AFF1: variants seen among roughly 807,000 people sequenced by gnomAD.
AFF1 encodes ALF transcription elongation factor 1.
In AFF1, 48 loss-of-function variants were observed where a neutral mutation model predicts 121.7. The observed-to-expected ratio is 0.39, with a 90% CI of 0.31 to 0.50. The LOEUF (loss-of-function observed/expected upper bound fraction) is 0.50, where lower values mean the gene tolerates loss of function less well. Ranked by LOEUF, AFF1 falls within the 20% of genes least tolerant of loss-of-function variation. The pLI is 0.76. For synonymous variants in AFF1, 613 were observed against 563.0 expected, an observed-to-expected ratio of 1.09 and a Z score of -1.26; for missense variants, 1,523 against 1,511.7, an observed-to-expected ratio of 1.01 and a Z score of -0.12.
At chr4:87,024,023 T>G (rs187769985) in intron 2 of AFF1, among the ~76,000 whole-genome samples, 5 of 152,312 alleles carry the variant, frequency 3.3e-5, no homozygotes, top group Admixed American at 6.5e-5. Flanking sequence ...TATTAAGCAA[T>G]TATTTATTGA....
chr4:87,040,988 G>A (rs1389878006), intron 2 of AFF1, among the ~76,000 whole-genome samples: 11 of 143,636 alleles, frequency 7.7e-5, no homozygotes, highest in Non-Finnish European at 1.5e-5. Flanking sequence ...TGATTCTCCT[G>A]CCTCAGCCTC....
chr4:87,000,230 T>A (rs1434317618), intron 2 of AFF1, among the ~76,000 whole-genome samples: 1 of 152,234 alleles, frequency 6.6e-6, no homozygotes, highest in African/African-American at 2.4e-5. Context: ...TTCCTGTGTC[T>A]GCTTCATTCT....
intron 5 of AFF1, among the ~76,000 whole-genome samples, chr4:87,086,652 GT>G (rs1390886850): frequency 6.6e-6 from 1 of 152,100 alleles, no homozygotes; most frequent in Admixed American, 6.6e-5. Flanking sequence ...CTGGGCTTTG[GT>G]TTCCTCATTG....
chr4:87,114,746 C>T lies in AFF1; in HGVS notation c.1913C>T (p.Pro638Leu). The change falls in exon 12 of 21, where the codon CCC (proline) becomes CTC (leucine). Residue 638 changes from proline to leucine, a missense_variant. By Grantham distance (98) the Pro-to-Leu change is moderately conservative. Transcript: ENST00000395146. ...LQGEREPGLL[P>L]YGSRDQTSKD... ...GGGGAAAGGGAGCCAGGGCTTCTTCCCTATGGCTCCCGAGACCAGACTTCC... is the reference window on the plus strand; with the variant it reads ...GGGGAAAGGGAGCCAGGGCTTCTTCTCTATGGCTCCCGAGACCAGACTTCC... 1 of 1,613,862 alleles carries T rather than the reference C, an allele frequency of 6.2e-7. No individual in the cohort carries two copies. The highest frequency in any genetic ancestry group is 8.5e-7 in the Non-Finnish European group (1 of 1,179,916).
intron 5 of AFF1, 66 bp from the exon 6 acceptor site, chr4:87,089,918 T>C (rs1031558716): frequency 8.2e-7 from 1 of 1,214,118 alleles, no homozygotes; most frequent in Non-Finnish European, 1.2e-6. Context: ...AAGTTCAAAA[T>C]GTTAAGTAGC....
intron 2 of AFF1, among the ~76,000 whole-genome samples, chr4:87,011,058 G>A (rs1166035933): frequency 1.5e-5 from 2 of 134,100 alleles, no homozygotes; most frequent in Admixed American, 1.7e-4. Context: ...CAGCCTGGGT[G>A]ACAGAGTGAG....
chr4:87,078,461 T>C (rs1044092005), intron 4 of AFF1, among the ~76,000 whole-genome samples: 2 of 152,120 alleles, frequency 1.3e-5, no homozygotes, highest in Non-Finnish European at 2.9e-5. Context: ...ATGGAACATA[T>C]TATCTAGAGG....
chr4:87,111,992 T>C (rs1357470949), intron 11 of AFF1, among the ~76,000 whole-genome samples: 1 of 152,198 alleles, frequency 6.6e-6, no homozygotes, highest in East Asian at 1.9e-4. Flanking sequence ...CCTTTTGGGT[T>C]CACACATAAA....
At chr4:87,130,538 A>G (rs576551900) in intron 16 of AFF1, among the ~76,000 whole-genome samples, 56 of 152,284 alleles carry the variant, frequency 3.7e-4, no homozygotes, top group African/African-American at 1.3e-3. Flanking sequence ...CTGAAATGTT[A>G]CCCCTGTTGG....
chr4:87,092,420 C>G (rs1724410190), intron 7 of AFF1, among the ~76,000 whole-genome samples: 1 of 152,134 alleles, frequency 6.6e-6, no homozygotes, highest in South Asian at 2.1e-4. Flanking sequence ...GAATTGTATA[C>G]AACAGTAGAT....
intron 2 of AFF1, among the ~76,000 whole-genome samples, chr4:86,996,777 C>A (rs570715181): frequency 1.3e-5 from 2 of 152,146 alleles, no homozygotes; most frequent in African/African-American, 2.4e-5. Flanking sequence ...AACTTAAACC[C>A]GATGTGGCAG....
intron 2 of AFF1, among the ~76,000 whole-genome samples, chr4:86,994,761 T>C (rs975721079): frequency 1.5e-4 from 23 of 152,152 alleles, no homozygotes; most frequent in African/African-American, 5.3e-4. Flanking sequence ...GGTCTTCAGC[T>C]GGAGCAGAGG....
intron 2 of AFF1, among the ~76,000 whole-genome samples, chr4:87,010,290 G>A (rs1288112834): frequency 6.6e-6 from 1 of 152,138 alleles, no homozygotes; most frequent in African/African-American, 2.4e-5. Context: ...AGATTTTTGG[G>A]GGTCATATTT....
intron 19 of AFF1, 134 bp from the exon 20 acceptor site, chr4:87,134,337 A>T: frequency 1.2e-6 from 1 of 805,540 alleles, no homozygotes; most frequent in Non-Finnish European, 2.0e-6. Flanking sequence ...GAGTGACTTT[A>T]GCAGTGGTTA....
chr4:86,970,129 T>G (rs1288592000), intron 2 of AFF1, among the ~76,000 whole-genome samples: 1 of 152,024 alleles, frequency 6.6e-6, no homozygotes, highest in Non-Finnish European at 1.5e-5. Context: ...AAATTATACG[T>G]GGAAGGGTAA....
chr4:87,049,496 G>T (rs530982266), intron 4 of AFF1, among the ~76,000 whole-genome samples: 9 of 152,202 alleles, frequency 5.9e-5, no homozygotes, highest in African/African-American at 2.2e-4. Flanking sequence ...TATGTATTTT[G>T]AACATAGGAC....
chr4:87,064,256 G>T (rs1173985498), intron 4 of AFF1, among the ~76,000 whole-genome samples: 1 of 152,200 alleles, frequency 6.6e-6, no homozygotes, highest in African/African-American at 2.4e-5. Context: ...CACAAATTTA[G>T]TAAGGAAAGG....
At chr4:86,956,171 G>A (rs556514126) in intron 2 of AFF1, among the ~76,000 whole-genome samples, 1 of 152,298 alleles carries the variant, frequency 6.6e-6, no homozygotes, top group East Asian at 1.9e-4. Flanking sequence ...ATTTACAAGT[G>A]CAATAATATT....
chr4:87,052,043 A>C (rs1046850118), intron 4 of AFF1, among the ~76,000 whole-genome samples: 1 of 152,222 alleles, frequency 6.6e-6, no homozygotes, highest in African/African-American at 2.4e-5. Context: ...GAGACACCTC[A>C]CATGGAGGAT....
Sources: gnomAD v4.1 joint callset for allele counts (sites outside exome capture counted in the v4.1 genomes callset) on GRCh38, gnomAD v4.1.1 for gene constraint, MANE v1.5 for transcripts, NCBI Gene and HGNC (gene_info 2026-07-23, HGNC 2026-07-21) for gene names.